The following NPAS1 variants were observed in gnomAD, a reference collection of about 807,000 sequenced individuals.
NPAS1 encodes the protein neuronal PAS domain protein 1, also known as neuronal PAS domain-containing protein 1.
Under a neutral mutation model 49.2 loss-of-function variants are expected in NPAS1, and 29 were observed. That is an observed-to-expected ratio of 0.59 (90% CI 0.44 to 0.80). The LOEUF is 0.80. Ranked by LOEUF, NPAS1 falls within the 30% of genes least tolerant of loss-of-function variation. The pLI is 0.00. For synonymous variants in NPAS1, 408 were observed against 380.4 expected, an observed-to-expected ratio of 1.07 and a Z score of -0.84; for missense variants, 825 against 835.5, an observed-to-expected ratio of 0.99 and a Z score of 0.15.
Position 47,019,886 on chromosome 19 carries a change from C to A in NPAS1, c.-154C>A, listed in dbSNP as rs1245293978. 1 of 356,806 alleles carries A rather than the reference C, an allele frequency of 2.8e-6. No homozygotes were observed. Among genetic ancestry groups the A allele is most frequent in the African/African-American group, 2.1e-5 (1 of 46,790 alleles). 22.1% of individuals were successfully genotyped at this position (356,806 alleles called of 1,614,324 possible). ...GCGCCACAGCCCGCGCGTCCCGCTG[C>A]GCCCCGCGCGCCCCGGGGTCTATGG... is the stretch of plus-strand genomic sequence containing the variant. On this transcript the variant is annotated 5_prime_UTR_variant, in exon 1 of 12. Coordinates refer to ENST00000602212, the MANE Select transcript of NPAS1 (RefSeq NM_002517.4).
chr19:47,024,201 T>C (rs181882404), intron 3 of NPAS1, among the ~76,000 whole-genome samples: 114 of 152,230 alleles, frequency 7.5e-4, no homozygotes, highest in Admixed American at 6.1e-3. Flanking sequence ...GTGGGAGGAC[T>C]GCTTGAGCTG....
intron 5 of NPAS1, among the ~76,000 whole-genome samples, chr19:47,033,484 C>G (rs576961097): frequency 6.6e-6 from 1 of 151,990 alleles, no homozygotes. Context: ...TCAGGCAATC[C>G]GCCTGCCTCA....
chr19:47,038,912 C>A, intron 6 of NPAS1, 124 bp from the exon 7 acceptor site: 1 of 760,470 alleles, frequency 1.3e-6, no homozygotes, highest in Admixed American at 2.1e-5. Flanking sequence ...TCAGGCATGC[C>A]TCTGAGTGCG....
chr19:47,038,883 C>T (rs994785656), intron 6 of NPAS1, among the ~76,000 whole-genome samples, 153 bp from the exon 7 acceptor site: 7 of 152,146 alleles, frequency 4.6e-5, no homozygotes, highest in African/African-American at 1.2e-4. Flanking sequence ...CATACTGTCC[C>T]CATGAGCTTT....
chr19:47,031,260 G>A (rs538304878), intron 3 of NPAS1, among the ~76,000 whole-genome samples: 6 of 148,922 alleles, frequency 4.0e-5, no homozygotes, highest in East Asian at 4.0e-4. Flanking sequence ...GTGCAGTGGC[G>A]CGATCTTGAC....
intron 3 of NPAS1, among the ~76,000 whole-genome samples, chr19:47,028,856 CA>C (rs1568502014): frequency 6.6e-6 from 1 of 152,062 alleles, no homozygotes; most frequent in East Asian, 1.9e-4. Flanking sequence ...CAGGGTCACC[CA>C]GGGGTCCTGG....
In NPAS1 at chr19:47,043,278, CAA is replaced by C. The variant is rs1170715547; in HGVS notation, c.1312+392_1312+393del. On this transcript the variant is annotated intron_variant, in intron 11 of 11. Coordinates refer to ENST00000602212, the MANE Select transcript of NPAS1 (RefSeq NM_002517.4). ...CTAGCGACAGAGCGAGACTCTGTCT[CAA>C]AAAAAAAAAAAAAAAAATTTAAATC... Among the ~76,000 whole-genome samples the C allele has an allele frequency of 3.9e-4, 23 of 58,592 alleles. 1 individual carries two copies. Among genetic ancestry groups the C allele is most frequent in the African/African-American group, 9.6e-4 (13 of 13,536 alleles). 38.4% of individuals were successfully genotyped at this position (58,592 alleles called of 152,430 possible).
chr19:47,043,452 T>C (rs1473311495), intron 11 of NPAS1, among the ~76,000 whole-genome samples: 2 of 151,834 alleles, frequency 1.3e-5, no homozygotes, highest in Non-Finnish European at 2.9e-5. Flanking sequence ...TAGCTGGACA[T>C]GGTGCCATGC....
intron 9 of NPAS1, 54 bp from the exon 10 acceptor site, chr19:47,040,924 C>T (rs934756512): frequency 3.6e-6 from 5 of 1,406,692 alleles, no homozygotes; most frequent in Non-Finnish European, 4.7e-6. Flanking sequence ...GGCTCTCTGT[C>T]TTGCCCCTGT....
rs1404749861 is a variant in NPAS1 at position 47,045,232 on chromosome 19, G to A, written c.1354G>A (p.Glu452Lys). ...PTEGKQAAPA[E>K]NEAPQTQGKR... ...GGAAGGGAAGCAGGCTGCCCCAGCGGAGAACGAGGCCCCCCAGACCCAGGG... is the reference window on the plus strand; with the variant it reads ...GGAAGGGAAGCAGGCTGCCCCAGCGAAGAACGAGGCCCCCCAGACCCAGGG... Residue 452 changes from glutamate to lysine, a missense_variant, in exon 12 of 12, where the codon GAG becomes AAG. Coordinates refer to ENST00000602212, the MANE Select transcript of NPAS1 (RefSeq NM_002517.4). 1.5e-5 allele frequency: 24 copies of A among 1,613,800 alleles called. No individual in the cohort carries two copies. The highest frequency in any genetic ancestry group is 2.0e-5 in the Non-Finnish European group (24 of 1,179,976).
intron 3 of NPAS1, among the ~76,000 whole-genome samples, chr19:47,024,687 C>T (rs1226994344): frequency 6.6e-6 from 1 of 152,134 alleles, no homozygotes; most frequent in Non-Finnish European, 1.5e-5. Context: ...GGTTCTAGGT[C>T]TCTGCCTCTC....
intron 3 of NPAS1, among the ~76,000 whole-genome samples, chr19:47,025,679 G>A (rs1168692562): frequency 1.3e-5 from 2 of 151,908 alleles, no homozygotes; most frequent in Non-Finnish European, 2.9e-5. Context: ...AGGCTCAAGA[G>A]TTCCTCTCAC....
intron 3 of NPAS1, among the ~76,000 whole-genome samples, chr19:47,026,440 T>C (rs908018063): frequency 1.3e-5 from 2 of 151,984 alleles, no homozygotes; most frequent in African/African-American, 4.8e-5. Context: ...ACAGAGGTGG[T>C]GAGGGCGGAA....
At chr19:47,028,216 AT>A (rs1483006043) in intron 3 of NPAS1, among the ~76,000 whole-genome samples, 1 of 152,098 alleles carries the variant, frequency 6.6e-6, no homozygotes, top group African/African-American at 2.4e-5. Context: ...AATTGCGACA[AT>A]TAGCAGGCAG....
Position 47,045,535 on chromosome 19 carries a change from T to C in NPAS1, c.1657T>C (p.Tyr553His). ...RYGPAELGLV[Y>H]PHLQRLGPGP... ...CGGCCCCGCGGAGCTGGGCCTGGTG[T>C]ACCCGCACCTGCAGAGGCTGGGTCC... The change falls in exon 12 of 12, where the codon TAC becomes CAC. Residue 553 changes from tyrosine (Y) to histidine (H), a missense_variant. Tyr to His is a moderately conservative substitution (Grantham distance 83, BLOSUM62 2). Coordinates refer to ENST00000602212, the MANE Select transcript of NPAS1 (RefSeq NM_002517.4). The C allele has an allele frequency of 6.5e-7, 1 of 1,528,902 alleles. No homozygotes were observed. The highest frequency in any genetic ancestry group is 8.7e-7 in the Non-Finnish European group (1 of 1,144,704). The allele number at this position is 1,528,902 out of a possible 1,614,324, so 94.7% of individuals were successfully genotyped here.
At chr19:47,040,286 G>A (rs996508533) in intron 8 of NPAS1, among the ~76,000 whole-genome samples, 158 bp from the exon 9 acceptor site, 2 of 152,102 alleles carry the variant, frequency 1.3e-5, no homozygotes, top group South Asian at 4.1e-4. Context: ...GCCTCCCAAA[G>A]TGCTGGGATT....
intron 1 of NPAS1, 103 bp from the exon 2 acceptor site, chr19:47,020,903 C>CT: frequency 2.4e-6 from 1 of 409,272 alleles, no homozygotes; most frequent in Non-Finnish European, 4.3e-6. Context: ...GGCCCCCCCC[C>CT]CCCCAGCTCC....
At chr19:47,032,497 C>A in intron 4 of NPAS1, 146 bp downstream of exon 4, 1 of 1,098,364 alleles carries the variant, frequency 9.1e-7, no homozygotes, top group East Asian at 2.4e-5. Flanking sequence ...ACTCCCTGCC[C>A]CTTCCGAGGA....
At chr19:47,041,296 G>C (rs529115155) in intron 10 of NPAS1, among the ~76,000 whole-genome samples, 171 bp downstream of exon 10, 25 of 152,212 alleles carry the variant, frequency 1.6e-4, no homozygotes, top group Middle Eastern at 3.4e-3. Context: ...AGAGTGGAAC[G>C]GTCTTGCTGG....
Sources: allele counts gnomAD v4.1 joint callset (sites outside exome capture counted in the v4.1 genomes callset), GRCh38; gene constraint gnomAD v4.1.1; transcripts MANE v1.5; gene names NCBI Gene and HGNC (gene_info 2026-07-23, HGNC 2026-07-21).